Variants in KLHL32 observed in about 807,000 individuals in gnomAD.
The protein encoded by KLHL32 is kelch-like protein 32.
Under a neutral mutation model 64.8 loss-of-function variants are expected in KLHL32, and 35 were observed. The observed-to-expected ratio is 0.54, with a 90% CI of 0.41 to 0.72. KLHL32 has a LOEUF of 0.72. Ranked by LOEUF, KLHL32 falls within the 30% of genes least tolerant of loss-of-function variation. KLHL32 has a pLI of 0.00. For synonymous variants in KLHL32, 259 were observed against 281.0 expected (o/e 0.92, Z 0.78); for missense variants, 589 against 768.5 (o/e 0.77, Z 2.76).
chr6:96,907,762 G>T, the KLHL32 span, among the ~76,000 whole-genome samples: 1 of 152,148 alleles, frequency 6.6e-6, no homozygotes, highest in African/African-American at 2.4e-5. Flanking sequence ...TTAACTGGTT[G>T]GTTGAGTCAG....
chr6:97,066,482 G>A (rs1789766710), intron 5 of KLHL32, among the ~76,000 whole-genome samples: 1 of 152,318 alleles, frequency 6.6e-6, no homozygotes, highest in South Asian at 2.1e-4. Context: ...AGGTAAAAGT[G>A]TAGCATGCAT....
At chr6:97,020,129 G>A (rs1781788297) in intron 3 of KLHL32, among the ~76,000 whole-genome samples, 3 of 151,826 alleles carry the variant, frequency 2.0e-5, no homozygotes, top group Non-Finnish European at 4.4e-5. Flanking sequence ...TTTTAGTAGA[G>A]ACAGGGTTTC....
intron 3 of KLHL32, among the ~76,000 whole-genome samples, chr6:97,035,283 AGAGTTT>A (rs1374389744): frequency 6.6e-6 from 1 of 152,112 alleles, no homozygotes; most frequent in African/African-American, 2.4e-5. Flanking sequence ...TTTTGTAGTC[AGAGTTT>A]AATTCTTTTT....
intron 3 of KLHL32, among the ~76,000 whole-genome samples, chr6:96,984,774 G>A (rs56840626): frequency 2.6e-5 from 4 of 152,136 alleles, no homozygotes; most frequent in South Asian, 4.1e-4. Context: ...GTCTCTGCAC[G>A]TGAGATGGGT....
intron 4 of KLHL32, among the ~76,000 whole-genome samples, chr6:97,052,121 C>G (rs746334774): frequency 6.6e-6 from 1 of 152,180 alleles, no homozygotes; most frequent in African/African-American, 2.4e-5. Flanking sequence ...AAAGAACAAA[C>G]GAAAGAAGTT....
In KLHL32 at chr6:97,127,463, G is replaced by A. The variant is rs1798992061; in HGVS notation, c.1413+1G>A. Reference sequence around the variant, plus strand: ...GCTAATGGTGTATGAACCTAACCAGGTAAGAATCATGTAAGAACACCTCAT... The same window carrying A: ...GCTAATGGTGTATGAACCTAACCAGATAAGAATCATGTAAGAACACCTCAT... On this transcript the variant is annotated splice_donor_variant, in intron 8 of 10. Transcript: ENST00000369261. LOFTEE classifies it high-confidence loss of function. The A allele has an allele frequency of 1.2e-6, 2 of 1,610,206 alleles. No homozygotes were observed.
chr6:97,125,373 G>A (rs927426775), intron 7 of KLHL32, among the ~76,000 whole-genome samples: 6 of 152,114 alleles, frequency 3.9e-5, no homozygotes, highest in African/African-American at 1.4e-4. Context: ...GTTGATGGTG[G>A]TGACCTATTC....
At chr6:97,037,840 T>A (rs569539290) in intron 3 of KLHL32, among the ~76,000 whole-genome samples, 1 of 152,066 alleles carries the variant, frequency 6.6e-6, no homozygotes, top group Non-Finnish European at 1.5e-5. Flanking sequence ...ATCAATGGAA[T>A]AGAATAGGGA....
In KLHL32 at chr6:97,139,154, G is replaced by T. The variant is rs1218142329; in HGVS notation, c.1735G>T (p.Val579Leu). The change falls in exon 11 of 11, where the codon GTA becomes TTA. Residue 579 changes from valine (V) to leucine (L), a missense_variant. Val to Leu is a conservative substitution (Grantham distance 32). Around this residue, in one of 3 missense-constraint regions of KLHL32, gnomAD observed 172 missense variants for 192.0 expected, o/e 0.90. Transcript: ENST00000369261. Reference sequence around the variant, plus strand: ...TGTAAGCAGAGAAGGCAAAGAAGAAGTATTCTATGGGCCTACACTCCCTTT... The same window carrying T: ...TGTAAGCAGAGAAGGCAAAGAAGAATTATTCTATGGGCCTACACTCCCTTT... ...LDVSREGKEE[V>L]FYGPTLPFAS... 2 of 1,613,960 alleles carry T rather than the reference G, an allele frequency of 1.2e-6. No homozygotes were observed. Among genetic ancestry groups the T allele is most frequent in the African/African-American group, 1.3e-5 (1 of 75,020 alleles).
chr6:96,954,891 A>T (rs1472340226), intron 1 of KLHL32, among the ~76,000 whole-genome samples: 1 of 152,190 alleles, frequency 6.6e-6, no homozygotes, highest in Non-Finnish European at 1.5e-5. Flanking sequence ...TTGGGCTGTT[A>T]TAACAATAAC....
At chr6:97,024,382 A>G (rs1361708509) in intron 3 of KLHL32, among the ~76,000 whole-genome samples, 2 of 148,956 alleles carry the variant, frequency 1.3e-5, no homozygotes, top group African/African-American at 2.5e-5. Context: ...ATGAAGAAGT[A>G]TGTGGGTTTT....
intron 5 of KLHL32, among the ~76,000 whole-genome samples, chr6:97,083,119 C>T (rs904754750): frequency 2.0e-5 from 3 of 152,098 alleles, no homozygotes; most frequent in African/African-American, 7.2e-5. Flanking sequence ...AGGCTGGGTG[C>T]CGTGGCTCAT....
the KLHL32 span, among the ~76,000 whole-genome samples, chr6:96,906,531 C>T: frequency 6.6e-6 from 1 of 152,142 alleles, no homozygotes; most frequent in African/African-American, 2.4e-5. Flanking sequence ...AGATGACTGA[C>T]AGCTACATAA....
chr6:96,986,748 C>T (rs924468288), intron 3 of KLHL32, among the ~76,000 whole-genome samples: 5 of 152,176 alleles, frequency 3.3e-5, no homozygotes, highest in African/African-American at 4.8e-5. Context: ...GGGAGTGACC[C>T]GATTTTCCAG....
At chr6:97,092,539 G>C (rs1030378759) in intron 6 of KLHL32, among the ~76,000 whole-genome samples, 3 of 152,116 alleles carry the variant, frequency 2.0e-5, no homozygotes, top group Non-Finnish European at 4.4e-5. Context: ...CTTCTTCTTA[G>C]ATGTTAGTGA....
intron 1 of KLHL32, among the ~76,000 whole-genome samples, chr6:96,925,537 G>T (rs1338273643): frequency 6.6e-6 from 1 of 152,082 alleles, no homozygotes; most frequent in Non-Finnish European, 1.5e-5. Flanking sequence ...TCCCATTTTG[G>T]TGATCTTATA....
At chr6:97,073,470 A>G (rs1791084417) in intron 5 of KLHL32, among the ~76,000 whole-genome samples, 1 of 152,224 alleles carries the variant, frequency 6.6e-6, no homozygotes, top group African/African-American at 2.4e-5. Flanking sequence ...CTTTGTAGAC[A>G]GAAAATTTTG....
rs1179704508 is a variant in KLHL32 at position 97,114,161 on chromosome 6, A to T, written c.1006A>T (p.Arg336Trp). The change falls in exon 7 of 11, where the codon AGG becomes TGG. Residue 336 changes from arginine to tryptophan, a missense_variant. Physicochemically the swap from Arg to Trp is moderately radical, Grantham distance 101 (BLOSUM62 -3). Transcript: ENST00000369261. ...WSELAPMPVG[R>W]SHHCVAVMGD... Reference sequence around the variant, plus strand: ...TGAGCTGGCTCCCATGCCTGTGGGAAGGAGCCACCATTGTGTGGCAGTCAT... The same window carrying T: ...TGAGCTGGCTCCCATGCCTGTGGGATGGAGCCACCATTGTGTGGCAGTCAT... The T allele has an allele frequency of 6.2e-7, 1 of 1,614,204 alleles. No homozygotes were observed. The highest frequency in any genetic ancestry group is 1.1e-5 in the South Asian group (1 of 91,084).
chr6:96,969,482 T>C (rs947887816), intron 2 of KLHL32, among the ~76,000 whole-genome samples: 2 of 152,196 alleles, frequency 1.3e-5, no homozygotes, highest in Non-Finnish European at 2.9e-5. Context: ...GTATTTTTGA[T>C]GCATTTGCTT....
Sources: allele counts gnomAD v4.1 joint callset (sites outside exome capture counted in the v4.1 genomes callset), GRCh38; gene constraint gnomAD v4.1.1; regional missense constraint gnomAD v4.1.1; transcripts MANE v1.5; gene names NCBI Gene and HGNC (gene_info 2026-07-23, HGNC 2026-07-21).